Variants in MTG2 observed in about 807,000 individuals in gnomAD.
MTG2 encodes mitochondrial ribosome associated GTPase 2.
A neutral mutation model predicts 28.6 loss-of-function variants in MTG2; 23 were observed. The observed-to-expected ratio is 0.80, with a 90% CI of 0.58 to 1.14. The LOEUF (loss-of-function observed/expected upper bound fraction) is 1.14. MTG2 is among the 50% of genes most tolerant of loss of function. The pLI is 0.00. For synonymous variants in MTG2, 260 were observed against 251.8 expected (o/e 1.03, Z -0.31); for missense variants, 539 against 552.0 (o/e 0.98, Z 0.24).
chr20:62,200,272 A>C, intron 6 of MTG2: 1 of 160,266 alleles, frequency 6.2e-6, no homozygotes, highest in Non-Finnish European at 1.4e-5. Flanking sequence ...GCCTGCTGGT[A>C]AGGTTATTTG....
At chr20:62,198,054 C>A in intron 4 of MTG2, 87 bp downstream of exon 4, 1 of 1,150,918 alleles carries the variant, frequency 8.7e-7, no homozygotes, top group Non-Finnish European at 1.3e-6. Context: ...CACGGGGCCC[C>A]TGTGGCTTGA....
At chr20:62,193,266 G>T in intron 1 of MTG2, 150 bp from the exon 2 acceptor site, 4 of 760,392 alleles carry the variant, frequency 5.3e-6, no homozygotes, top group Non-Finnish European at 8.7e-6. Flanking sequence ...GGCCGAGAGG[G>T]TGAGTGACCA....
intron 2 of MTG2, among the ~76,000 whole-genome samples, chr20:62,195,364 A>G (rs554808960): frequency 6.6e-5 from 10 of 152,362 alleles, no homozygotes; most frequent in African/African-American, 1.2e-4. Flanking sequence ...CTATTTCTCT[A>G]TCGCATCCTG....
At chr20:62,191,333 G>A (rs532596034) in intron 1 of MTG2, among the ~76,000 whole-genome samples, 1 of 152,084 alleles carries the variant, frequency 6.6e-6, no homozygotes, top group Admixed American at 6.5e-5. Flanking sequence ...AGGGGCTGTC[G>A]GTCATGGCCA....
intron 1 of MTG2, 89 bp from the exon 2 acceptor site, chr20:62,193,327 G>C: frequency 7.9e-7 from 1 of 1,269,958 alleles, no homozygotes; most frequent in Non-Finnish European, 1.1e-6. Flanking sequence ...CGTGCACAAA[G>C]ACCTGCTGCA....
intron 1 of MTG2, among the ~76,000 whole-genome samples, chr20:62,189,524 C>G (rs1382325540): frequency 6.6e-6 from 1 of 151,382 alleles, no homozygotes; most frequent in South Asian, 2.1e-4. Flanking sequence ...AGGCTGGTCT[C>G]GAACTCATGG....
At chr20:62,183,262 C>G (rs1347470489) in intron 1 of MTG2, among the ~76,000 whole-genome samples, 3 of 151,902 alleles carry the variant, frequency 2.0e-5, no homozygotes, top group African/African-American at 7.3e-5. Context: ...AGCGAGCGCT[C>G]GGGCGGTGGG....
intron 1 of MTG2, among the ~76,000 whole-genome samples, chr20:62,192,009 A>G (rs546540307): frequency 1.3e-5 from 2 of 152,340 alleles, no homozygotes; most frequent in South Asian, 4.1e-4. Context: ...ATTTCCACCC[A>G]CACTACACAT....
chr20:62,201,158 G>A lies in MTG2; in HGVS notation c.*81G>A. 1 of 1,443,706 alleles carries A rather than the reference G, an allele frequency of 6.9e-7. No individual in the cohort carries two copies. Among genetic ancestry groups the A allele is most frequent in the Non-Finnish European group, 9.1e-7 (1 of 1,095,980 alleles). 89.4% of individuals were successfully genotyped at this position (1,443,706 alleles called of 1,614,324 possible). Reference sequence around the variant, plus strand: ...TTCGGTGGTTTTGAATGCATAAAGTGCCTTGTGGACACGGGGGAGTTGTGG... The same window carrying A: ...TTCGGTGGTTTTGAATGCATAAAGTACCTTGTGGACACGGGGGAGTTGTGG... On this transcript the variant is annotated 3_prime_UTR_variant, in exon 7 of 7. Coordinates refer to ENST00000370823, the MANE Select transcript of MTG2 (RefSeq NM_015666.4).
intron 1 of MTG2, among the ~76,000 whole-genome samples, chr20:62,186,805 A>G (rs904676973): frequency 5.3e-5 from 8 of 152,126 alleles, no homozygotes; most frequent in African/African-American, 1.9e-4. Flanking sequence ...CTGGGATTAC[A>G]GGCATGAGCC....
chr20:62,199,076 G>T (rs755310440), intron 5 of MTG2, 43 bp from the exon 6 acceptor site: 2 of 1,610,660 alleles, frequency 1.2e-6, no homozygotes, highest in African/African-American at 2.7e-5. Context: ...GCTAACAAAG[G>T]TGCTGCCGCG....
intron 1 of MTG2, among the ~76,000 whole-genome samples, chr20:62,188,013 C>A (rs2057881783): frequency 6.6e-6 from 1 of 151,926 alleles, no homozygotes; most frequent in Non-Finnish European, 1.5e-5. Flanking sequence ...CGCCTGTAGT[C>A]CCAGCTACTC....
At chr20:62,190,663 C>T (rs1274482493) in intron 1 of MTG2, among the ~76,000 whole-genome samples, 1 of 152,172 alleles carries the variant, frequency 6.6e-6, no homozygotes, top group Non-Finnish European at 1.5e-5. Flanking sequence ...TGGATCCTGG[C>T]CTAGATCCTG....
chr20:62,185,694 A>G (rs1247777405), intron 1 of MTG2, among the ~76,000 whole-genome samples: 1 of 152,126 alleles, frequency 6.6e-6, no homozygotes, highest in Non-Finnish European at 1.5e-5. Context: ...GCTGTCCCAT[A>G]TGTACCCACT....
intron 3 of MTG2, chr20:62,197,565 C>A (rs917921141): frequency 3.0e-5 from 10 of 335,554 alleles, no homozygotes; most frequent in Non-Finnish European, 5.7e-5. Context: ...TCACACTCAG[C>A]ATAGACGCAT....
rs137952765 is a variant in MTG2 at position 62,199,227 on chromosome 20, G to A, written c.796G>A (p.Val266Ile). 322 of 1,614,070 alleles carry A rather than the reference G, an allele frequency of 2.0e-4. 2 individuals carry two copies. The African/African-American group carries it at 3.6e-3, about 18-fold the overall frequency. ...FTTLKPHVGIVHYEGHLQIAV... is the reference protein window; with the variant it reads ...FTTLKPHVGIIHYEGHLQIAV... ...CACCCTGAAGCCCCACGTCGGGATCGTCCACTACGAAGGCCACCTACAAAT... is the reference window on the plus strand; with the variant it reads ...CACCCTGAAGCCCCACGTCGGGATCATCCACTACGAAGGCCACCTACAAAT... Residue 266 changes from valine to isoleucine, a missense_variant, in exon 6 of 7, where the codon GTC (valine) becomes ATC (isoleucine). By Grantham distance (29) the Val-to-Ile change is conservative (BLOSUM62 3). Transcript: ENST00000370823.
chr20:62,186,990 A>C (rs1203143667), intron 1 of MTG2, among the ~76,000 whole-genome samples: 3 of 152,186 alleles, frequency 2.0e-5, no homozygotes, highest in Non-Finnish European at 4.4e-5. Context: ...GTAACCATTC[A>C]GTATTTCTTC....
chr20:62,192,196 G>C lies in MTG2; in HGVS notation c.-5-1220G>C, dbSNP rs78095918. ...TAATTGCAAGTAGTGGGTCCCTGGG[G>C]TACCCACACTTCTGTCCATCTTGGC... On this transcript the variant is annotated intron_variant, in intron 1 of 6. Coordinates refer to ENST00000370823, the MANE Select transcript of MTG2 (RefSeq NM_015666.4). Among the ~76,000 whole-genome samples the C allele has an allele frequency of 3.6e-3, 555 of 152,316 alleles. 3 individuals are homozygous for C. Among genetic ancestry groups the C allele is most frequent in the African/African-American group, 0.013 (535 of 41,570 alleles).
intron 1 of MTG2, among the ~76,000 whole-genome samples, chr20:62,185,168 A>G (rs572637946): frequency 1.3e-5 from 2 of 151,440 alleles, no homozygotes; most frequent in East Asian, 2.0e-4. Context: ...AATCCCAGCA[A>G]TTTGGGAGGC....
Sources: allele counts gnomAD v4.1 joint callset (sites outside exome capture counted in the v4.1 genomes callset), GRCh38; gene constraint gnomAD v4.1.1; transcripts MANE v1.5; gene names NCBI Gene and HGNC (gene_info 2026-07-23, HGNC 2026-07-21).